The following IARS1 variants were observed in gnomAD, a reference collection of about 807,000 sequenced individuals.
IARS1 encodes the protein isoleucine--tRNA ligase, cytoplasmic.
IARS1 carries 124 observed loss-of-function variants against 168.2 expected under a neutral mutation model. The ratio of observed to expected loss-of-function variants is 0.74; its 90% confidence interval spans 0.64 to 0.86. The LOEUF (loss-of-function observed/expected upper bound fraction) is 0.86. Among genes scored for constraint, IARS1 ranks in the 40% least tolerant of loss-of-function variants. The pLI is 0.00. For synonymous variants in IARS1, 532 were observed against 529.4 expected (o/e 1.00, Z -0.07); for missense variants, 1,452 against 1,515.8 (o/e 0.96, Z 0.70).
At chr9:92,252,189 G>A (rs1163193803) in intron 21 of IARS1, among the ~76,000 whole-genome samples, 1 of 152,148 alleles carries the variant, frequency 6.6e-6, no homozygotes, top group African/African-American at 2.4e-5. Flanking sequence ...GCTGAAGGTA[G>A]AATGGATCTA....
chr9:92,252,224 T>C (rs538716252), intron 21 of IARS1, among the ~76,000 whole-genome samples: 25 of 152,282 alleles, frequency 1.6e-4, no homozygotes, highest in African/African-American at 5.8e-4. Flanking sequence ...AAACAGTTGC[T>C]AACCAAAAAC....
At chr9:92,263,105 C>T in intron 16 of IARS1, 50 bp from the exon 17 acceptor site, 1 of 1,247,318 alleles carries the variant, frequency 8.0e-7, no homozygotes, top group Non-Finnish European at 1.2e-6. Flanking sequence ...GAAGTCCAAG[C>T]ATAAGAAAGA....
intron 6 of IARS1, 139 bp downstream of exon 6, chr9:92,285,583 A>T: frequency 1.7e-6 from 1 of 588,842 alleles, no homozygotes; most frequent in South Asian, 2.3e-5. Flanking sequence ...TCCAGCACTC[A>T]GTAAGAAGTG....
chr9:92,220,613 C>G, intron 33 of IARS1, among the ~76,000 whole-genome samples: 1 of 150,068 alleles, frequency 6.7e-6, no homozygotes, highest in Non-Finnish European at 1.5e-5. Flanking sequence ...GAGTGAAACT[C>G]TGTCTCAAAA....
At chr9:92,281,041 G>A in intron 6 of IARS1, 148 bp from the exon 7 acceptor site, 13 of 446,774 alleles carry the variant, frequency 2.9e-5, no homozygotes, top group South Asian at 1.2e-4. Flanking sequence ...AAAATAGCAA[G>A]AAATTCCAAG....
At chr9:92,250,118 TA>T in intron 24 of IARS1, 68 bp downstream of exon 24, 5 of 1,106,190 alleles carry the variant, frequency 4.5e-6, no homozygotes, top group Non-Finnish European at 5.5e-6. Flanking sequence ...CTCTCTATAT[TA>T]AAAAAGCATT....
intron 25 of IARS1, among the ~76,000 whole-genome samples, chr9:92,249,323 G>A (rs1196174136): frequency 2.0e-5 from 3 of 152,266 alleles, no homozygotes; most frequent in East Asian, 1.9e-4. Flanking sequence ...AGGCCAAGGC[G>A]GGCAGATCAC....
chr9:92,244,772 C>T (rs910511767), intron 27 of IARS1, among the ~76,000 whole-genome samples, 187 bp downstream of exon 27: 3 of 152,174 alleles, frequency 2.0e-5, no homozygotes, highest in African/African-American at 7.2e-5. Context: ...TATGTATTCA[C>T]TAAACAAATG....
At chr9:92,231,767 T>C (rs891855086) in intron 30 of IARS1, among the ~76,000 whole-genome samples, 4 of 152,026 alleles carry the variant, frequency 2.6e-5, no homozygotes, top group Non-Finnish European at 5.9e-5. Context: ...TGGTCAAAAA[T>C]TAATTCATAA....
At chr9:92,265,939 G>A (rs1407942584) in intron 14 of IARS1, among the ~76,000 whole-genome samples, 8 of 152,166 alleles carry the variant, frequency 5.3e-5, no homozygotes, top group Admixed American at 4.6e-4. Context: ...GATTACAGGC[G>A]TGAGCCACCC....
intron 6 of IARS1, among the ~76,000 whole-genome samples, chr9:92,284,551 C>T (rs139926346): frequency 1.2e-4 from 18 of 152,246 alleles, no homozygotes; most frequent in African/African-American, 4.1e-4. Context: ...CTTTGGGAGG[C>T]CAAGGTGGGT....
rs144102700 is a variant in IARS1 at position 92,210,869 on chromosome 9, C to T, written c.3727G>A (p.Val1243Met). 6.8e-4 allele frequency: 1,094 copies of T among 1,607,282 alleles called. 1 individual carries two copies. The highest frequency in any genetic ancestry group is 6.5e-4 in the Non-Finnish European group (765 of 1,174,112). ...QTQEITEDIP[V>M]KTLNMKTVYV... ...ACAGTCTTCATATTCAAAGTCTTCA[C>T]GGGGATGTCTTCTGTAATTTCTAGA... Residue 1243 changes from valine to methionine, a missense_variant, in exon 34 of 34, where the codon GTG (valine) becomes ATG (methionine). Val to Met is a conservative substitution (Grantham distance 21, BLOSUM62 1). Coordinates refer to ENST00000443024, the MANE Select transcript of IARS1 (RefSeq NM_002161.6).
intron 33 of IARS1, among the ~76,000 whole-genome samples, chr9:92,214,851 G>A (rs1396161888): frequency 1.3e-4 from 20 of 152,316 alleles, no homozygotes; most frequent in African/African-American, 4.3e-4. Flanking sequence ...GGGGAGGGGC[G>A]CCCGCCATTG....
At chr9:92,264,856 A>C in intron 16 of IARS1, 73 bp downstream of exon 16, 1 of 1,281,662 alleles carries the variant, frequency 7.8e-7, no homozygotes, top group South Asian at 1.5e-5. Context: ...GATAAATGGC[A>C]GTGACTTAGT....
rs1831128509 is a variant in IARS1, at chr9:92,258,938, A to G, written c.1932T>C (p.Gly644=). 6.2e-7 allele frequency: 1 copy of G among 1,613,808 alleles called. No individual in the cohort carries two copies. The highest frequency in any genetic ancestry group is 8.5e-7 in the Non-Finnish European group (1 of 1,179,962). ...GTACATCCTTAAGGACGTCCCGCAC[A>G]CCCTCTTCTTTAAAGCGGAGGTTTT... ...RAENLRFKEE[G]VRDVLKDVLL... is the part of the protein sequence containing the mutation. Residue 644 remains glycine, a synonymous_variant, in exon 19 of 34, where the codon GGT becomes GGC. Transcript: ENST00000443024.
rs756159801 is a variant in IARS1 at position 92,271,618 on chromosome 9, C to T, written c.1028G>A (p.Arg343Gln). 1.7e-5 allele frequency: 27 copies of T among 1,613,934 alleles called. No homozygotes were observed. The highest frequency in any genetic ancestry group is 1.1e-4 in the South Asian group (10 of 91,084). Residue 343 changes from arginine (R) to glutamine (Q), a missense_variant, in exon 11 of 34, where the codon CGG (arginine) becomes CAG (glutamine). Transcript: ENST00000443024. Reference sequence around the variant, plus strand: ...AGGGCAAACAGGGAGTGAGTCTTTCCGAATAATGTTAAAGTCCATACAGAC... The same window carrying T: ...AGGGCAAACAGGGAGTGAGTCTTTCTGAATAATGTTAAAGTCCATACAGAC... ...YRVCMDFNII[R>Q]KDSLPVCPVD...
At position 92,260,215 on chromosome 9, in the gene IARS1, T is replaced by G. The variant is rs1831325726; in HGVS notation, c.1807A>C (p.Lys603Gln). 2 of 1,614,100 alleles carry G rather than the reference T, an allele frequency of 1.2e-6. No individual in the cohort carries two copies. The highest frequency in any genetic ancestry group is 8.5e-7 in the Non-Finnish European group (1 of 1,179,912). ...GGATCTGGATAATTCTTTTTCCGTT[T>G]GCTCATTTTTTGGCCATCACTTGTA... is the stretch of plus-strand genomic sequence containing the variant. ...VLASDGQKMSKRKKNYPDPVS... is the reference protein window; with the variant it reads ...VLASDGQKMSQRKKNYPDPVS... Residue 603 changes from lysine (K) to glutamine (Q), a missense_variant, in exon 18 of 34, where the codon AAA becomes CAA. Physicochemically the swap from Lys to Gln is moderately conservative, Grantham distance 53 (BLOSUM62 1). Coordinates refer to ENST00000443024, the MANE Select transcript of IARS1 (RefSeq NM_002161.6).
At chr9:92,255,299 T>C (rs1564173684) in intron 20 of IARS1, among the ~76,000 whole-genome samples, 2 of 152,216 alleles carry the variant, frequency 1.3e-5, no homozygotes, top group Admixed American at 6.5e-5. Context: ...CCCAGGTCTG[T>C]GGCGGCCGCT....
chr9:92,293,411 TA>T lies in IARS1; in HGVS notation c.-8+199del, dbSNP rs1587924727. ...TCAATTTATACTATGTATATCATTT[TA>T]AAAAGATTTTACTCATTTCAAACAC... On this transcript the variant is annotated intron_variant, in intron 1 of 33. Coordinates refer to ENST00000443024, the MANE Select transcript of IARS1 (RefSeq NM_002161.6). 6 of 529,688 alleles carry T rather than the reference TA, an allele frequency of 1.1e-5. No homozygotes were observed. In the East Asian group the frequency reaches 3.3e-4, roughly 29 times the overall value. The allele number at this position is 529,688 out of a possible 1,614,324, so 32.8% of individuals were successfully genotyped here.
Sources: allele counts gnomAD v4.1 joint callset (sites outside exome capture counted in the v4.1 genomes callset), GRCh38; gene constraint gnomAD v4.1.1; transcripts MANE v1.5; gene names NCBI Gene and HGNC (gene_info 2026-07-23, HGNC 2026-07-21).